The following ATAD1 variants were observed in gnomAD, a reference collection of about 807,000 sequenced individuals.
ATAD1 encodes the protein outer mitochondrial transmembrane helix translocase.
In ATAD1, 18 loss-of-function variants were observed where a neutral mutation model predicts 42.7. That is an observed-to-expected ratio of 0.42 (90% CI 0.29 to 0.63). ATAD1 has a LOEUF of 0.63. Ranked by LOEUF, ATAD1 falls within the 20% of genes least tolerant of loss-of-function variation. The pLI is 0.19. For synonymous variants in ATAD1, 132 were observed against 143.1 expected, an observed-to-expected ratio of 0.92 and a Z score of 0.55; for missense variants, 294 against 440.4, an observed-to-expected ratio of 0.67 and a Z score of 2.98.
intron 4 of ATAD1, 144 bp from the exon 5 acceptor site, chr10:87,784,814 G>T: frequency 1.3e-6 from 1 of 752,174 alleles, no homozygotes; most frequent in Non-Finnish European, 2.1e-6. Flanking sequence ...TAGTAGGTAA[G>T]ATAGAAGAAA....
chr10:87,838,850 G>A (rs959993380), intron 1 of ATAD1, among the ~76,000 whole-genome samples: 2 of 152,132 alleles, frequency 1.3e-5, no homozygotes, highest in East Asian at 1.9e-4. Flanking sequence ...ACCTTGATTC[G>A]GGACTTCCCA....
chr10:87,778,546 T>C (rs1054114533), intron 5 of ATAD1, among the ~76,000 whole-genome samples: 17 of 152,164 alleles, frequency 1.1e-4, no homozygotes, highest in Non-Finnish European at 2.1e-4. Context: ...TGAAGGTAAT[T>C]TAATACAGTA....
At chr10:87,787,176 G>A (rs1006297855) in intron 4 of ATAD1, among the ~76,000 whole-genome samples, 1 of 152,178 alleles carries the variant, frequency 6.6e-6, no homozygotes, top group African/African-American at 2.4e-5. Context: ...AGTTCTTTGA[G>A]CTTAATCTGA....
intron 5 of ATAD1, 51 bp from the exon 6 acceptor site, chr10:87,776,478 CT>C (rs745898885): frequency 1.8e-4 from 260 of 1,463,030 alleles, no homozygotes; most frequent in East Asian, 2.8e-4. Context: ...ATTATTTACC[CT>C]TTTTTTTGAG....
chr10:87,768,910 C>T (rs928125276), intron 7 of ATAD1, among the ~76,000 whole-genome samples: 1 of 151,936 alleles, frequency 6.6e-6, no homozygotes, highest in Admixed American at 6.6e-5. Flanking sequence ...TAGTGAGACC[C>T]GTCTGTAAAA....
At chr10:87,820,063 G>T (rs910737931), upstream of ATAD1, among the ~76,000 whole-genome samples, 4 of 152,128 alleles carry the variant, frequency 2.6e-5, no homozygotes, top group South Asian at 2.1e-4. Flanking sequence ...AGAACGGAAA[G>T]ATTATGAGAC....
intron 1 of ATAD1, among the ~76,000 whole-genome samples, chr10:87,835,158 G>T (rs1454350278): frequency 6.6e-6 from 1 of 152,048 alleles, no homozygotes; most frequent in Non-Finnish European, 1.5e-5. Context: ...ATGTTTTGAT[G>T]AATGTGCTGT....
chr10:87,772,569 A>T (rs1230538906), intron 6 of ATAD1, among the ~76,000 whole-genome samples: 1 of 152,190 alleles, frequency 6.6e-6, no homozygotes, highest in East Asian at 1.9e-4. Flanking sequence ...ACTGTGGTTA[A>T]GTCAATATTT....
intron 8 of ATAD1, among the ~76,000 whole-genome samples, chr10:87,759,253 A>G (rs1454636555): frequency 6.6e-6 from 1 of 152,148 alleles, no homozygotes; most frequent in Non-Finnish European, 1.5e-5. Context: ...CTGTTCACAT[A>G]TATTCACGGG....
intron 2 of ATAD1, among the ~76,000 whole-genome samples, chr10:87,797,981 G>T (rs1856480544): frequency 1.3e-5 from 2 of 152,144 alleles, no homozygotes; most frequent in Non-Finnish European, 2.9e-5. Flanking sequence ...GCCCCTGGGT[G>T]ACCGGGGGCC....
chr10:87,824,275 C>T (rs1189592102), intron 1 of ATAD1, among the ~76,000 whole-genome samples: 6 of 151,106 alleles, frequency 4.0e-5, no homozygotes, highest in African/African-American at 9.9e-5. Context: ...GTATGACATA[C>T]GATTCAAACC....
At chr10:87,786,799 T>TA (rs1444438906) in intron 4 of ATAD1, among the ~76,000 whole-genome samples, 1 of 151,776 alleles carries the variant, frequency 6.6e-6, no homozygotes, top group Admixed American at 6.6e-5. Context: ...TACCAAAATA[T>TA]AAAAAATTAG....
chr10:87,827,734 CACA>C (rs1198133977), intron 1 of ATAD1, among the ~76,000 whole-genome samples: 1 of 152,074 alleles, frequency 6.6e-6, no homozygotes, highest in African/African-American at 2.4e-5. Flanking sequence ...TTCCCTGAGA[CACA>C]ACAATATTGA....
intron 7 of ATAD1, among the ~76,000 whole-genome samples, chr10:87,770,368 T>C (rs1225432937): frequency 6.6e-6 from 1 of 152,212 alleles, no homozygotes; most frequent in African/African-American, 2.4e-5. Context: ...AATTATAGTG[T>C]ACTGGTAAGT....
chr10:87,827,160 A>T (rs1857745653), intron 1 of ATAD1, among the ~76,000 whole-genome samples: 1 of 152,230 alleles, frequency 6.6e-6, no homozygotes, highest in African/African-American at 2.4e-5. Flanking sequence ...ATATACCATT[A>T]TTTACTGTTA....
chr10:87,771,687 T>C (rs1855038764), intron 6 of ATAD1, among the ~76,000 whole-genome samples: 1 of 152,086 alleles, frequency 6.6e-6, no homozygotes, highest in African/African-American at 2.4e-5. Flanking sequence ...AAGAACTCTT[T>C]TTAAAAATGC....
chr10:87,821,631 C>T (rs191889602), upstream of ATAD1, among the ~76,000 whole-genome samples: 853 of 152,256 alleles, frequency 5.6e-3, 11 homozygotes, highest in African/African-American at 0.019. Context: ...CAGAGACTCC[C>T]GTTCAACTAC....
chr10:87,797,888 CT>C (rs931438974), intron 2 of ATAD1, among the ~76,000 whole-genome samples: 1 of 152,104 alleles, frequency 6.6e-6, no homozygotes, highest in Non-Finnish European at 1.5e-5. Context: ...AGGAACTGAA[CT>C]GTTGTTTTTG....
chr10:87,835,571 A>G (rs1857915127), intron 1 of ATAD1, among the ~76,000 whole-genome samples: 1 of 152,154 alleles, frequency 6.6e-6, no homozygotes, highest in African/African-American at 2.4e-5. Context: ...TTTACAACAC[A>G]TACGTAGCTC....
Sources: gnomAD v4.1 joint callset for allele counts (sites outside exome capture counted in the v4.1 genomes callset) on GRCh38, gnomAD v4.1.1 for gene constraint, MANE v1.5 for transcripts, NCBI Gene and HGNC (gene_info 2026-07-23, HGNC 2026-07-21) for gene names.